ANO9: variants seen among roughly 807,000 people sequenced by gnomAD.
ANO9 encodes the protein anoctamin 9, also known as anoctamin-9.
In ANO9, 80 loss-of-function variants were observed where a neutral mutation model predicts 100.5. That is an observed-to-expected ratio of 0.80 (90% CI 0.66 to 0.96). ANO9 has a LOEUF of 0.96. Ranked by LOEUF, ANO9 falls within the 40% of genes least tolerant of loss-of-function variation. ANO9 has a pLI of 0.00. For missense variants in ANO9, 1,064 were observed against 1,072.7 expected, an observed-to-expected ratio of 0.99 and a Z score of 0.11; for synonymous variants, 473 against 435.6, an observed-to-expected ratio of 1.09 and a Z score of -1.07.
rs566123667 is a variant in ANO9, at chr11:427,509, A to C, written c.1334+579T>G. Among the ~76,000 whole-genome samples the C allele has an allele frequency of 7.2e-5, 11 of 151,790 alleles. No individual in the cohort carries two copies. In the East Asian group the frequency reaches 7.8e-4, roughly 11 times the overall value. ...CACTTTGGGAAACTGAGGCAGGAGG[A>C]TCGCTCGAGCCCAGGAATTCGAAAC... On this transcript the variant is annotated intron_variant, in intron 15 of 22. Coordinates refer to ENST00000332826, the MANE Select transcript of ANO9 (RefSeq NM_001012302.3).
rs151289261 is a variant in ANO9 at position 421,798 on chromosome 11, C to T, written c.1335-600G>A. On this transcript the variant is annotated intron_variant, in intron 15 of 22. Coordinates refer to ENST00000332826, the MANE Select transcript of ANO9 (RefSeq NM_001012302.3). The surrounding 1 kb of genome is among the most constrained non-coding windows in gnomAD (Gnocchi z 6.8). The stretch of plus-strand genomic sequence containing the variant: ...CCTGCTTTCCATAATATGAGAAATA[C>T]ATGAACTATCTTAAACCAAAAGTCA... 5.2e-3 allele frequency among the ~76,000 whole-genome samples: 795 copies of T among 152,342 alleles called. 4 individuals carry two copies. Among genetic ancestry groups the T allele is most frequent in the Admixed American group, 9.5e-3 (146 of 15,302 alleles).
chr11:419,960 C>A (rs1234112690), intron 19 of ANO9: 41 of 1,403,510 alleles, frequency 2.9e-5, no homozygotes, highest in Non-Finnish European at 3.5e-5. Flanking sequence ...GAATCCTCAT[C>A]CTCCATCTTC....
rs922994070 is a variant in ANO9, at chr11:419,883, G to A, written c.1787-154C>T. On this transcript the variant is annotated intron_variant, in intron 19 of 22. Transcript: ENST00000332826. The stretch of plus-strand genomic sequence containing the variant: ...TGCAGTATTCACAAGGAAGTCCCCA[G>A]CCATGGCAGAGCATGGCCTCTGCGC... The A allele has an allele frequency of 6.9e-6, 10 of 1,446,234 alleles. No individual in the cohort carries two copies. In the African/African-American group the frequency reaches 1.4e-4, roughly 21 times the overall value. 89.6% of individuals were successfully genotyped at this position (1,446,234 alleles called of 1,614,324 possible).
chr11:428,920 C>A (rs547156661), intron 11 of ANO9, 94 bp from the exon 12 acceptor site: 14 of 1,183,790 alleles, frequency 1.2e-5, no homozygotes, highest in African/African-American at 1.5e-5. Flanking sequence ...TGGACAGACA[C>A]GGGACACTCA....
At chr11:425,961 T>A (rs1372149606) in intron 15 of ANO9, among the ~76,000 whole-genome samples, 1 of 152,100 alleles carries the variant, frequency 6.6e-6, no homozygotes, top group Non-Finnish European at 1.5e-5. Context: ...CTCAATCTCT[T>A]GACCTCATGA....
rs1265117180 is a variant in ANO9 at position 421,322 on chromosome 11, G to A, written c.1335-124C>T. ...GGCGGGGCAGGCCCTGCAGGTGAGC[G>A]GGGCACAGGTGCTCACACCCAGATG... On this transcript the variant is annotated intron_variant, in intron 15 of 22. Coordinates refer to ENST00000332826, the MANE Select transcript of ANO9 (RefSeq NM_001012302.3). This position sits in a 1 kb window ranked among gnomAD's most constrained non-coding sequence, Gnocchi z 6.8. 5 of 1,015,734 alleles carry A rather than the reference G, an allele frequency of 4.9e-6. No individual in the cohort carries two copies. The highest frequency in any genetic ancestry group is 5.5e-6 in the Non-Finnish European group (4 of 724,772). The allele number at this position is 1,015,734 out of a possible 1,614,324, so 62.9% of individuals were successfully genotyped here. A position where few individuals can be genotyped will look rare whatever the true frequency, so the allele number is the denominator to read the frequency against.
chr11:429,288 A>C (rs1359379247), intron 11 of ANO9, among the ~76,000 whole-genome samples: 1 of 132,440 alleles, frequency 7.6e-6, no homozygotes, highest in African/African-American at 2.9e-5. Context: ...CACCCCACAC[A>C]TGGGGAGACA....
Position 428,836 on chromosome 11 carries a change from G to C in ANO9, c.916-10C>G, listed in dbSNP as rs1243157295. On this transcript the variant is annotated splice_polypyrimidine_tract_variant and intron_variant, in intron 11 of 22. Transcript: ENST00000332826. The stretch of plus-strand genomic sequence containing the variant: ...GAAGTGCCATTTCCTCCTGGGGAGA[G>C]CACCGGGCAAGCCTCAGACAAGGGA... The C allele has an allele frequency of 6.2e-7, 1 of 1,612,122 alleles. No individual in the cohort carries two copies.
Position 421,477 on chromosome 11 carries a change from AGG to A in ANO9, c.1335-281_1335-280del. 2.0e-5 allele frequency among the ~76,000 whole-genome samples: 1 copy of A among 50,102 alleles called. No homozygotes were observed. The highest frequency in any genetic ancestry group is 3.9e-5 in the Non-Finnish European group (1 of 25,962). 32.9% of individuals were successfully genotyped at this position (50,102 alleles called of 152,430 possible). A position where few individuals can be genotyped will look rare whatever the true frequency, so the allele number is the denominator to read the frequency against. ...CACACCCCCACACAGGGGAGGCCACAGGCTCCCAGACGAACCGCACCTGCACG... is the reference window on the plus strand; with the variant it reads ...CACACCCCCACACAGGGGAGGCCACACTCCCAGACGAACCGCACCTGCACG... On this transcript the variant is annotated intron_variant, in intron 15 of 22. Transcript: ENST00000332826. The surrounding 1 kb of genome is among the most constrained non-coding windows in gnomAD (Gnocchi z 6.8).
At chr11:436,319 G>A (rs570939549) in intron 1 of ANO9, among the ~76,000 whole-genome samples, 6 of 151,778 alleles carry the variant, frequency 4.0e-5, no homozygotes, top group East Asian at 3.9e-4. Flanking sequence ...CACCCGCCTC[G>A]GCCTCCCAAA....
At chr11:430,036 C>A in intron 9 of ANO9, 47 bp downstream of exon 9, 1 of 1,530,550 alleles carries the variant, frequency 6.5e-7, no homozygotes, top group South Asian at 1.2e-5. Flanking sequence ...GTGGATGCAC[C>A]GTTCCCATCT....
intron 15 of ANO9, among the ~76,000 whole-genome samples, chr11:424,690 C>T (rs563008423): frequency 3.9e-5 from 6 of 152,010 alleles, no homozygotes; most frequent in African/African-American, 1.5e-4. Context: ...AAAATGGACC[C>T]TTTAGGAAAC....
At chr11:441,017 G>A (rs930867743) in intron 1 of ANO9, among the ~76,000 whole-genome samples, 1 of 152,232 alleles carries the variant, frequency 6.6e-6, no homozygotes, top group African/African-American at 2.4e-5. Context: ...TGGGAGGAAG[G>A]GGCTGGCAGA....
chr11:428,514 C>A lies in ANO9; in HGVS notation c.1146G>T (p.Gly382=), dbSNP rs115356582. The A allele has an allele frequency of 2.4e-3, 3,859 of 1,612,672 alleles. 70 individuals are homozygous for A. In the African/African-American group the frequency reaches 0.042, roughly 18 times the overall value. The change falls in exon 13 of 23, where the codon GGG becomes GGT. Residue 382 remains glycine, a synonymous_variant. Transcript: ENST00000332826. The part of the protein sequence containing the change: ...EQVTTAVVVT[G]ALVHYVTIII... ...TGATGGTCACATAGTGCACCAGAGC[C>A]CCGGTCACCACCACGGCCGTGGTCA... is the stretch of plus-strand genomic sequence containing the variant.
chr11:428,530 GC>G lies in ANO9; in HGVS notation c.1129del (p.Ala377ProfsTer4). On this transcript the variant is annotated frameshift_variant, in exon 13 of 23. Coordinates refer to ENST00000332826, the MANE Select transcript of ANO9 (RefSeq NM_001012302.3). LOFTEE classifies it high-confidence loss of function. ...VPFLEEQVTT[A>X]VVVTGALVHY... ...CACCAGAGCCCCGGTCACCACCACGGCCGTGGTCACCTGCTCCTCCAGGAAG... is the reference window on the plus strand; with the variant it reads ...CACCAGAGCCCCGGTCACCACCACGGCGTGGTCACCTGCTCCTCCAGGAAG... 2 of 1,612,704 alleles carry G rather than the reference GC, an allele frequency of 1.2e-6. No homozygotes were observed. The highest frequency in any genetic ancestry group is 1.3e-5 in the African/African-American group (1 of 75,052).
rs1554938962 is a variant in ANO9 at position 435,528 on chromosome 11, A to AGTCTAGTCTAGTCTAGTATG, written c.7-1450_7-1431dup. Among the ~76,000 whole-genome samples, 1,434 of 146,688 alleles carry AGTCTAGTCTAGTCTAGTATG rather than the reference A, an allele frequency of 9.8e-3. 81 individuals are homozygous for AGTCTAGTCTAGTCTAGTATG. Among genetic ancestry groups the AGTCTAGTCTAGTCTAGTATG allele is most frequent in the Non-Finnish European group, 0.017 (1,138 of 65,140 alleles). On this transcript the variant is annotated intron_variant, in intron 1 of 22. Transcript: ENST00000332826. ...AGTCTAGTCTAGTCTAGTATGGTCT[A>AGTCTAGTCTAGTCTAGTATG]GTCTAGTCTAGTCTAGTATGGTCTA...
intron 1 of ANO9, among the ~76,000 whole-genome samples, chr11:439,111 C>T (rs747890186): frequency 1.3e-5 from 2 of 152,210 alleles, no homozygotes; most frequent in East Asian, 1.9e-4. Flanking sequence ...GTCACCTCAG[C>T]GACGTGCAGA....
chr11:419,811 G>A, intron 19 of ANO9, 82 bp from the exon 20 acceptor site: 2 of 1,561,172 alleles, frequency 1.3e-6, no homozygotes. Context: ...GGCCAACACG[G>A]GGCCTGCCGT....
At chr11:441,421 C>T (rs989707666) in intron 1 of ANO9, among the ~76,000 whole-genome samples, 3 of 152,132 alleles carry the variant, frequency 2.0e-5, no homozygotes, top group Admixed American at 6.5e-5. Flanking sequence ...CTGTGCTGGG[C>T]GGGGTCCTTG....
Sources: allele counts gnomAD v4.1 joint callset (sites outside exome capture counted in the v4.1 genomes callset), GRCh38; gene constraint gnomAD v4.1.1; non-coding constraint Gnocchi (gnomAD v3.1); transcripts MANE v1.5; gene names NCBI Gene and HGNC (gene_info 2026-07-23, HGNC 2026-07-21).